MYH10: variants seen among roughly 807,000 people sequenced by gnomAD.
MYH10 encodes the protein myosin heavy chain 10, also known as myosin-10.
Under a neutral mutation model 257.8 loss-of-function variants are expected in MYH10, and 55 were observed. The observed-to-expected ratio is 0.21, with a 90% confidence interval of 0.17 to 0.27. The LOEUF (loss-of-function observed/expected upper bound fraction) is 0.27. Among genes scored for constraint, MYH10 ranks in the 10% least tolerant of loss-of-function variants. The probability of loss-of-function intolerance (pLI) is 1.00; values close to 1 mark genes in which losing one functional copy is unlikely to be tolerated. For missense variants in MYH10, 1,631 were observed against 2,500.6 expected (o/e 0.65, Z 7.42); for synonymous variants, 854 against 921.7 (o/e 0.93, Z 1.33).
chr17:8,623,720 A>G (rs1476886586), intron 1 of MYH10, among the ~76,000 whole-genome samples: 1 of 152,200 alleles, frequency 6.6e-6, no homozygotes, highest in Non-Finnish European at 1.5e-5. Context: ...TTGTCAGAAG[A>G]GTAAAGAATC....
In MYH10 at chr17:8,504,919, C is replaced by A. The variant is rs765827447; in HGVS notation, c.3387-13G>T. 1 of 1,612,046 alleles carries A rather than the reference C, an allele frequency of 6.2e-7. No individual in the cohort carries two copies. Among genetic ancestry groups the A allele is most frequent in the Admixed American group, 1.7e-5 (1 of 59,988 alleles). On this transcript the variant is annotated splice_polypyrimidine_tract_variant and intron_variant, in intron 27 of 42. Coordinates refer to ENST00000360416, the MANE Select transcript of MYH10 (RefSeq NM_001256012.3). The surrounding 1 kb of genome is among the most constrained non-coding windows in gnomAD (Gnocchi z 5.6). ...TTCATCATCACCTCTGTTAAAACAC[C>A]CAGGCGCAAGAGGCACTCAGAGATG... is the stretch of plus-strand genomic sequence containing the variant.
chr17:8,523,336 G>A (rs2081721892), intron 17 of MYH10, among the ~76,000 whole-genome samples: 1 of 152,238 alleles, frequency 6.6e-6, no homozygotes, highest in South Asian at 2.1e-4. Flanking sequence ...ATATATACAT[G>A]TCAGTGGATA....
intron 2 of MYH10, among the ~76,000 whole-genome samples, chr17:8,609,165 C>A (rs372112994): frequency 6.6e-6 from 1 of 152,082 alleles, no homozygotes. Flanking sequence ...GAAAGCAGGG[C>A]TATGTATATG....
chr17:8,618,648 A>G (rs1412166912), intron 2 of MYH10, among the ~76,000 whole-genome samples: 1 of 152,222 alleles, frequency 6.6e-6, no homozygotes, highest in Non-Finnish European at 1.5e-5. Flanking sequence ...TGCGTATTGA[A>G]CAAGTCTTTT....
chr17:8,523,917 T>C (rs905426927), intron 17 of MYH10, among the ~76,000 whole-genome samples: 7 of 151,970 alleles, frequency 4.6e-5, no homozygotes, highest in Admixed American at 3.3e-4. Flanking sequence ...GTGGGTTTTG[T>C]GGATGGGAAG....
chr17:8,551,651 T>A (rs2082647229), intron 9 of MYH10, among the ~76,000 whole-genome samples: 1 of 152,206 alleles, frequency 6.6e-6, no homozygotes, highest in African/African-American at 2.4e-5. Flanking sequence ...TTTCTAGTAC[T>A]AGTGGAAGCA....
At chr17:8,621,201 T>C (rs922719724) in intron 2 of MYH10, among the ~76,000 whole-genome samples, 3 of 152,190 alleles carry the variant, frequency 2.0e-5, no homozygotes, top group African/African-American at 4.8e-5. Flanking sequence ...GCACAATTTA[T>C]TGCAATGGGC....
intron 17 of MYH10, among the ~76,000 whole-genome samples, chr17:8,528,134 A>G (rs778061703): frequency 6.6e-6 from 1 of 152,200 alleles, no homozygotes; most frequent in Non-Finnish European, 1.5e-5. Context: ...TCTAGCACAC[A>G]TGGAGGTTCA....
chr17:8,595,775 T>C (rs1209169505), intron 3 of MYH10, among the ~76,000 whole-genome samples: 1 of 65,972 alleles, frequency 1.5e-5, no homozygotes, highest in Non-Finnish European at 3.1e-5. Context: ...TTTTACCATA[T>C]CTTACAGCTT....
At chr17:8,511,059 T>TATAC (rs1222415877) in intron 24 of MYH10, 1 of 88,688 alleles carries the variant, frequency 1.1e-5, no homozygotes, top group African/African-American at 5.6e-5. Context: ...TATATATATA[T>TATAC]ACACACATAC....
intron 28 of MYH10, among the ~76,000 whole-genome samples, chr17:8,502,677 G>A (rs2080934210): frequency 6.6e-6 from 1 of 152,186 alleles, no homozygotes; most frequent in Non-Finnish European, 1.5e-5. Context: ...GAAGAACCAG[G>A]GCCCAGGTGG....
chr17:8,510,820 C>T (rs1389451043), intron 24 of MYH10, among the ~76,000 whole-genome samples: 1 of 152,026 alleles, frequency 6.6e-6, no homozygotes, highest in East Asian at 1.9e-4. Flanking sequence ...GTACCTTTCA[C>T]AGCAGAAGCA....
In MYH10 at chr17:8,545,064, C is replaced by G. The variant is rs1318937188; in HGVS notation, c.1431+384G>C. 6.6e-6 allele frequency among the ~76,000 whole-genome samples: 1 copy of G among 152,236 alleles called. No homozygotes were observed. The highest frequency in any genetic ancestry group is 1.5e-5 in the Non-Finnish European group (1 of 68,048). ...CTCCCTCTGGTCAGCTATATCCAGTCATACTGGCTTTCTAGCAGCTTAGAA... is the reference window on the plus strand; with the variant it reads ...CTCCCTCTGGTCAGCTATATCCAGTGATACTGGCTTTCTAGCAGCTTAGAA... On this transcript the variant is annotated intron_variant, in intron 13 of 42. Coordinates refer to ENST00000360416, the MANE Select transcript of MYH10 (RefSeq NM_001256012.3). This position sits in a 1 kb window ranked among gnomAD's most constrained non-coding sequence, Gnocchi z 4.7.
chr17:8,596,258 T>C (rs1455349094), intron 3 of MYH10, among the ~76,000 whole-genome samples: 1 of 151,960 alleles, frequency 6.6e-6, no homozygotes, highest in Non-Finnish European at 1.5e-5. Flanking sequence ...GTTCAAGTGA[T>C]TCTCGTGCCT....
chr17:8,613,048 A>G (rs1190097401), intron 2 of MYH10, among the ~76,000 whole-genome samples: 2 of 152,208 alleles, frequency 1.3e-5, no homozygotes, highest in African/African-American at 4.8e-5. Context: ...AAATCCAAAG[A>G]CAGAGAAAAT....
At chr17:8,610,113 T>C (rs962565714) in intron 2 of MYH10, among the ~76,000 whole-genome samples, 2 of 151,784 alleles carry the variant, frequency 1.3e-5, no homozygotes, top group African/African-American at 2.4e-5. Context: ...CAAACCAGGC[T>C]GGCAAAACCT....
chr17:8,613,880 C>A (rs1385186554), intron 2 of MYH10, among the ~76,000 whole-genome samples: 2 of 151,510 alleles, frequency 1.3e-5, no homozygotes, highest in Non-Finnish European at 2.9e-5. Context: ...CAATTAACCA[C>A]ACAAACACTA....
intron 7 of MYH10, among the ~76,000 whole-genome samples, chr17:8,568,601 G>A (rs268452): frequency 0.96 from 146,831 of 152,252 alleles, 71,036 homozygotes; most frequent in East Asian, 1. Context: ...AAAAAAAAGG[G>A]AAGAATTAAT....
At position 8,544,199 on chromosome 17, in the gene MYH10, C is replaced by T. The variant is rs756348895; in HGVS notation, c.1431+1249G>A. Among the ~76,000 whole-genome samples, 65 of 152,296 alleles carry T rather than the reference C, an allele frequency of 4.3e-4. No homozygotes were observed. The Middle Eastern group carries it at 0.017, about 40-fold the overall frequency. On this transcript the variant is annotated intron_variant, in intron 13 of 42. Coordinates refer to ENST00000360416, the MANE Select transcript of MYH10 (RefSeq NM_001256012.3). ...TTTCCTTTTCTCATGACAAATAACACTCACTGAACAACTTAGCATTTTTAC... is the reference window on the plus strand; with the variant it reads ...TTTCCTTTTCTCATGACAAATAACATTCACTGAACAACTTAGCATTTTTAC...
Sources: allele counts gnomAD v4.1 joint callset (sites outside exome capture counted in the v4.1 genomes callset), GRCh38; gene constraint gnomAD v4.1.1; non-coding constraint Gnocchi (gnomAD v3.1); transcripts MANE v1.5; gene names NCBI Gene and HGNC (gene_info 2026-07-23, HGNC 2026-07-21).